Variants in MROH9 observed in about 807,000 individuals in gnomAD.
The protein encoded by MROH9 is maestro heat-like repeat-containing protein family member 9.
Under a neutral mutation model 98.2 loss-of-function variants are expected in MROH9, and 92 were observed. The observed-to-expected ratio is 0.94, with a 90% CI of 0.79 to 1.11. The LOEUF is 1.11. Ranked by LOEUF, MROH9 falls within the 50% of genes most tolerant of loss-of-function variation. The pLI, the probability that MROH9 is intolerant of heterozygous loss-of-function variation, is 0.00. For missense variants in MROH9, 1,057 were observed against 1,014.8 expected (o/e 1.04, Z -0.57); for synonymous variants, 397 against 368.9 (o/e 1.08, Z -0.87).
chr1:171,018,094 T>C (rs757011947), intron 17 of MROH9, among the ~76,000 whole-genome samples: 3 of 152,038 alleles, frequency 2.0e-5, no homozygotes, highest in Non-Finnish European at 4.4e-5. Context: ...ACCCAGCCAA[T>C]TGAGACCCTC....
chr1:171,006,111 T>A (rs1651943819), intron 15 of MROH9, among the ~76,000 whole-genome samples: 2 of 152,208 alleles, frequency 1.3e-5, no homozygotes, highest in South Asian at 4.1e-4. Context: ...GTAAGTTAGG[T>A]CTCATGGTTG....
chr1:171,049,372 T>C (rs1653580127), intron 20 of MROH9, among the ~76,000 whole-genome samples: 1 of 151,946 alleles, frequency 6.6e-6, no homozygotes, highest in Admixed American at 6.6e-5. Context: ...GGGTGCCGAG[T>C]GAGGGAGAAC....
Position 170,993,414 on chromosome 1 carries a change from G to T in MROH9, c.1194+1085G>T, listed in dbSNP as rs531032703. 2.2e-3 allele frequency among the ~76,000 whole-genome samples: 334 copies of T among 152,266 alleles called. 1 individual carries two copies. The highest frequency in any genetic ancestry group is 7.6e-3 in the African/African-American group (318 of 41,572). ...TTAAAGCCACATATGCCTTGAATAA[G>T]CCAGAAAAGTTACTGACTGGTTTGA... is the stretch of plus-strand genomic sequence containing the variant. On this transcript the variant is annotated intron_variant, in intron 12 of 21. Transcript: ENST00000367759.
At chr1:171,022,586 CA>C (rs1326671099) in intron 17 of MROH9, among the ~76,000 whole-genome samples, 4 of 152,014 alleles carry the variant, frequency 2.6e-5, no homozygotes, top group African/African-American at 9.6e-5. Flanking sequence ...CAACACACAC[CA>C]GGGCCACTTG....
chr1:170,951,480 G>T (rs577535640), intron 3 of MROH9, among the ~76,000 whole-genome samples: 7 of 152,208 alleles, frequency 4.6e-5, no homozygotes, highest in Admixed American at 3.9e-4. Flanking sequence ...CACAGACTTA[G>T]ATTGGAAATA....
chr1:171,001,216 C>T (rs900577886), intron 15 of MROH9, among the ~76,000 whole-genome samples: 4 of 151,592 alleles, frequency 2.6e-5, no homozygotes, highest in African/African-American at 9.7e-5. Context: ...ACCTTTTGTA[C>T]TTTTTTCTTT....
At chr1:171,043,481 C>T (rs1324717942) in intron 20 of MROH9, among the ~76,000 whole-genome samples, 1 of 151,816 alleles carries the variant, frequency 6.6e-6, no homozygotes, top group East Asian at 1.9e-4. Flanking sequence ...GTTTCATATA[C>T]ATTTTAGAAT....
chr1:170,991,779 T>G (rs1423065134), intron 11 of MROH9, among the ~76,000 whole-genome samples: 1 of 152,174 alleles, frequency 6.6e-6, no homozygotes, highest in Non-Finnish European at 1.5e-5. Context: ...TTAATTTATA[T>G]TCCCATGCCA....
rs1648840042 is a variant in MROH9 at position 170,935,554 on chromosome 1, T to G, written c.-71T>G. On this transcript the variant is annotated 5_prime_UTR_variant, in exon 1 of 22. Coordinates refer to ENST00000367759, the MANE Select transcript of MROH9 (RefSeq NM_001163629.2). Reference sequence around the variant, plus strand: ...ATACTAGAGTTTCTCTTCACTACTTTGTCTCACCGTGATTACAGAGAAGTT... The same window carrying G: ...ATACTAGAGTTTCTCTTCACTACTTGGTCTCACCGTGATTACAGAGAAGTT... 6.6e-6 allele frequency: 1 copy of G among 152,268 alleles called. No homozygotes were observed. The highest frequency in any genetic ancestry group is 6.5e-5 in the Admixed American group (1 of 15,288). The allele number at this position is 152,268 out of a possible 1,614,324, so 9.4% of individuals were successfully genotyped here.
At chr1:171,021,403 A>G (rs2101839022) in intron 17 of MROH9, among the ~76,000 whole-genome samples, 1 of 152,314 alleles carries the variant, frequency 6.6e-6, no homozygotes, top group Admixed American at 6.5e-5. Flanking sequence ...TACTGGCACC[A>G]AAACAGGTAT....
chr1:171,039,643 ACT>A (rs1358591976), intron 20 of MROH9, among the ~76,000 whole-genome samples: 1 of 151,920 alleles, frequency 6.6e-6, no homozygotes, highest in African/African-American at 2.4e-5. Context: ...TGGCCAGCTA[ACT>A]CTCAGTAATT....
intron 6 of MROH9, among the ~76,000 whole-genome samples, chr1:170,964,903 T>C (rs1394747736): frequency 6.6e-6 from 1 of 152,064 alleles, no homozygotes; most frequent in Non-Finnish European, 1.5e-5. Flanking sequence ...AAAGTGACTA[T>C]TATAGTGGAT....
intron 17 of MROH9, among the ~76,000 whole-genome samples, chr1:171,016,869 T>C (rs1351630797): frequency 6.6e-6 from 1 of 152,180 alleles, no homozygotes; most frequent in Admixed American, 6.5e-5. Context: ...TCATTTTACA[T>C]GGTAAATATG....
chr1:171,023,494 G>T, intron 17 of MROH9, among the ~76,000 whole-genome samples: 1 of 151,632 alleles, frequency 6.6e-6, no homozygotes, highest in Admixed American at 6.6e-5. Flanking sequence ...TATACTTTTA[G>T]GATGTTATTA....
rs200769735 is a variant in MROH9, at chr1:170,998,253, C to A, written c.1575C>A (p.Ile525=). The A allele has an allele frequency of 1.2e-6, 2 of 1,613,404 alleles. No individual in the cohort carries two copies. Among genetic ancestry groups the A allele is most frequent in the Non-Finnish European group, 1.7e-6 (2 of 1,179,584 alleles). ...EGPRRSEDTV[I]VLIFLTELLN... The stretch of plus-strand genomic sequence containing the variant: ...CTAGAAGGTCAGAAGACACTGTCAT[C>A]GTATTAATATTCCTCACTGAAGTGA... Residue 525 remains isoleucine (I), a synonymous_variant, in exon 15 of 22, where the codon ATC becomes ATA. Transcript: ENST00000367759.
chr1:171,033,401 G>A (rs1271472609), intron 20 of MROH9, among the ~76,000 whole-genome samples: 2 of 152,042 alleles, frequency 1.3e-5, no homozygotes, highest in African/African-American at 2.4e-5. Flanking sequence ...GTGGGTTCGT[G>A]AATGGGATCT....
At chr1:170,999,125 G>A (rs946843068) in intron 15 of MROH9, among the ~76,000 whole-genome samples, 2 of 151,612 alleles carry the variant, frequency 1.3e-5, no homozygotes, top group Admixed American at 1.3e-4. Context: ...GTCTATTCTC[G>A]GCTTCTTTAT....
intron 20 of MROH9, among the ~76,000 whole-genome samples, chr1:171,058,672 G>T (rs1475936666): frequency 6.6e-6 from 1 of 152,096 alleles, no homozygotes. Context: ...ACAGAAAAGA[G>T]ACCTCAGAAA....
In MROH9 at chr1:170,995,414, T is replaced by C. The variant is rs747539488; in HGVS notation, c.1220T>C (p.Leu407Pro). ...GCATGCCAGGCCCTGTGCACCTTTC[T>C]GCCTCTTGGTTCCTACAGGAAAGCG... is the stretch of plus-strand genomic sequence containing the variant. ...LAACQALCTF[L>P]PLGSYRKAVA... Residue 407 changes from leucine (L) to proline (P), a missense_variant, in exon 13 of 22, where the codon CTG (leucine) becomes CCG (proline). Coordinates refer to ENST00000367759, the MANE Select transcript of MROH9 (RefSeq NM_001163629.2). 3 of 1,613,440 alleles carry C rather than the reference T, an allele frequency of 1.9e-6. No individual in the cohort carries two copies.
Sources: gnomAD v4.1 joint callset for allele counts (sites outside exome capture counted in the v4.1 genomes callset) on GRCh38, gnomAD v4.1.1 for gene constraint, MANE v1.5 for transcripts, NCBI Gene and HGNC (gene_info 2026-07-23, HGNC 2026-07-21) for gene names.